Variants in GREB1L observed in about 807,000 individuals in gnomAD.
The protein encoded by GREB1L is GREB1 like retinoic acid receptor coactivator, also known as GREB1-like protein.
GREB1L carries 17 observed loss-of-function variants against 200.8 expected under a neutral mutation model. That is an observed-to-expected ratio of 0.08 (90% CI 0.06 to 0.13). The LOEUF (loss-of-function observed/expected upper bound fraction) is 0.13, where lower values mean the gene tolerates loss of function less well. GREB1L is among the 10% of genes least tolerant of loss of function. The probability of loss-of-function intolerance (pLI) is 1.00; values close to 1 mark genes in which losing one functional copy is unlikely to be tolerated. For missense variants in GREB1L, 1,657 were observed against 2,367.7 expected, an observed-to-expected ratio of 0.70 and a Z score of 6.23; for synonymous variants, 789 against 893.0, an observed-to-expected ratio of 0.88 and a Z score of 2.08.
At chr18:21,429,498 G>C (rs1175099683) in intron 7 of GREB1L, among the ~76,000 whole-genome samples, 4 of 151,310 alleles carry the variant, frequency 2.6e-5, no homozygotes, top group Non-Finnish European at 5.9e-5. Flanking sequence ...GCAAACCATG[G>C]CACCCAGCCA....
chr18:21,318,630 TCTATACTCTACCTTC>T (rs1174434282), intron 1 of GREB1L, among the ~76,000 whole-genome samples: 2 of 152,204 alleles, frequency 1.3e-5, no homozygotes, highest in Non-Finnish European at 2.9e-5. Context: ...TCATGCATAT[TCTATACTCTACCTTC>T]CTAAAGAGGA....
intron 1 of GREB1L, among the ~76,000 whole-genome samples, chr18:21,342,690 A>G (rs1320226546): frequency 2.0e-5 from 3 of 152,126 alleles, no homozygotes; most frequent in Non-Finnish European, 2.9e-5. Context: ...GAGATTTACA[A>G]TGGGACTCAC....
At chr18:21,428,059 G>A (rs1356909898) in intron 7 of GREB1L, among the ~76,000 whole-genome samples, 3 of 150,148 alleles carry the variant, frequency 2.0e-5, no homozygotes, top group African/African-American at 7.3e-5. Flanking sequence ...GCGCGGTGGC[G>A]GGCGCCTGTA....
At chr18:21,243,620 C>G (rs1175360168) in intron 1 of GREB1L, among the ~76,000 whole-genome samples, 1 of 152,220 alleles carries the variant, frequency 6.6e-6, no homozygotes, top group African/African-American at 2.4e-5. Context: ...ACCTCTCATT[C>G]ATCTATATAT....
At chr18:21,296,002 A>G (rs28619089) in intron 1 of GREB1L, among the ~76,000 whole-genome samples, 2,078 of 152,370 alleles carry the variant, frequency 0.014, 48 homozygotes, top group African/African-American at 0.048. Flanking sequence ...TTCAGCCACT[A>G]TGGAAAGCAG....
At chr18:21,273,072 C>T (rs942381182) in intron 1 of GREB1L, among the ~76,000 whole-genome samples, 1 of 152,060 alleles carries the variant, frequency 6.6e-6, no homozygotes, top group African/African-American at 2.4e-5. Context: ...ACTAAAAATA[C>T]AAAAATTAAC....
rs75691809 is a variant in GREB1L, at chr18:21,372,150, C to T, written c.-10+6014C>T. 9.6e-3 allele frequency among the ~76,000 whole-genome samples: 1,342 copies of T among 139,444 alleles called. 26 individuals carry two copies. Among genetic ancestry groups the T allele is most frequent in the African/African-American group, 0.033 (1,257 of 38,242 alleles). The allele number at this position is 139,444 out of a possible 152,430, so 91.5% of individuals were successfully genotyped here. A position where few individuals can be genotyped will look rare whatever the true frequency, so the allele number is the denominator to read the frequency against. ...TACGAAGTTATACAAATTTGTCTCT[C>T]TTTTTTTTTTTTTTTTGAGACAGAG... On this transcript the variant is annotated intron_variant, in intron 2 of 32. Coordinates refer to ENST00000424526, the MANE Select transcript of GREB1L (RefSeq NM_001142966.3).
intron 1 of GREB1L, among the ~76,000 whole-genome samples, chr18:21,360,652 T>C (rs1295566068): frequency 2.0e-5 from 3 of 152,224 alleles, no homozygotes; most frequent in Non-Finnish European, 2.9e-5. Flanking sequence ...AATCATTTGG[T>C]GCAAAGTGTT....
At chr18:21,256,455 G>A (rs780848315) in intron 1 of GREB1L, among the ~76,000 whole-genome samples, 35 of 152,258 alleles carry the variant, frequency 2.3e-4, no homozygotes, top group Non-Finnish European at 3.7e-4. Flanking sequence ...TAGTTCTAAG[G>A]TGAGGAATAT....
intron 7 of GREB1L, among the ~76,000 whole-genome samples, chr18:21,438,846 A>G (rs2033711835): frequency 6.6e-6 from 1 of 151,292 alleles, no homozygotes; most frequent in Non-Finnish European, 1.5e-5. Context: ...CTGTAGTCCC[A>G]GCTACTCGGG....
intron 1 of GREB1L, among the ~76,000 whole-genome samples, chr18:21,243,495 T>TC (rs1303113586): frequency 1.3e-5 from 2 of 151,800 alleles, no homozygotes; most frequent in African/African-American, 2.4e-5. Flanking sequence ...TTTTTCCGCC[T>TC]CCCCCCGCCT....
intron 7 of GREB1L, among the ~76,000 whole-genome samples, chr18:21,437,642 G>GAAT (rs1209243355): frequency 6.6e-6 from 1 of 151,902 alleles, no homozygotes; most frequent in African/African-American, 2.4e-5. Flanking sequence ...GGGGACAAGA[G>GAAT]AATAAGTGAC....
intron 1 of GREB1L, among the ~76,000 whole-genome samples, chr18:21,242,759 G>A (rs1368055513): frequency 6.6e-6 from 1 of 152,170 alleles, no homozygotes; most frequent in Non-Finnish European, 1.5e-5. Context: ...GTGGGACGAG[G>A]GAGCTGCGGC....
chr18:21,430,240 G>A (rs1329769849), intron 7 of GREB1L, among the ~76,000 whole-genome samples: 1 of 151,910 alleles, frequency 6.6e-6, no homozygotes, highest in Non-Finnish European at 1.5e-5. Context: ...TATAACAATG[G>A]CATACAATTG....
At position 21,525,666 on chromosome 18, in the gene GREB1L, G is replaced by A. The variant is rs759034240; in HGVS notation, c.*2845G>A. ...TTGCTAAAACTAATACAAGGTGTTT[G>A]TTATTGTTAATCTCCAGTTAAAACT... On this transcript the variant is annotated 3_prime_UTR_variant, in exon 33 of 33. Coordinates refer to ENST00000424526, the MANE Select transcript of GREB1L (RefSeq NM_001142966.3). Among the ~76,000 whole-genome samples, 58 of 152,154 alleles carry A rather than the reference G, an allele frequency of 3.8e-4. No homozygotes were observed. Among genetic ancestry groups the A allele is most frequent in the Admixed American group, 8.5e-4 (13 of 15,270 alleles).
chr18:21,357,162 C>A (rs546685870), intron 1 of GREB1L, among the ~76,000 whole-genome samples: 6 of 152,294 alleles, frequency 3.9e-5, no homozygotes, highest in African/African-American at 1.4e-4. Flanking sequence ...TCAAGCAATT[C>A]TTCTGCCTCC....
rs534873068 is a variant in GREB1L, at chr18:21,505,576, A to T, written c.4228+9A>T. On this transcript the variant is annotated intron_variant, in intron 24 of 32. Coordinates refer to ENST00000424526, the MANE Select transcript of GREB1L (RefSeq NM_001142966.3). ...GGCAGGGGTCAAACAAGGTCAGTGCAATCAGCCAAGTTCACCTCCTCTCTG... is the reference window on the plus strand; with the variant it reads ...GGCAGGGGTCAAACAAGGTCAGTGCTATCAGCCAAGTTCACCTCCTCTCTG... The T allele has an allele frequency of 1.9e-6, 3 of 1,551,412 alleles. No individual in the cohort carries two copies. Among genetic ancestry groups the T allele is most frequent in the East Asian group, 2.4e-5 (1 of 40,916 alleles).
chr18:21,452,266 A>T (rs1166825035), intron 14 of GREB1L, 49 bp downstream of exon 14: 2 of 1,526,078 alleles, frequency 1.3e-6, no homozygotes, highest in Non-Finnish European at 1.8e-6. Flanking sequence ...TGGGACAGAC[A>T]TTGTAAAAAC....
chr18:21,487,757 T>G (rs1447074218), intron 18 of GREB1L, among the ~76,000 whole-genome samples: 1 of 151,992 alleles, frequency 6.6e-6, no homozygotes, highest in Non-Finnish European at 1.5e-5. Flanking sequence ...TCCCACCACT[T>G]TGGGAGGCCA....
Sources: allele counts gnomAD v4.1 joint callset (sites outside exome capture counted in the v4.1 genomes callset), GRCh38; gene constraint gnomAD v4.1.1; transcripts MANE v1.5; gene names NCBI Gene and HGNC (gene_info 2026-07-23, HGNC 2026-07-21).